SEMA4D: variants seen among roughly 807,000 people sequenced by gnomAD.
SEMA4D encodes the protein semaphorin 4D.
Under a neutral mutation model 74.8 loss-of-function variants are expected in SEMA4D, and 22 were observed. That is an observed-to-expected ratio of 0.29 (90% CI 0.21 to 0.42). The LOEUF is 0.42. Ranked by LOEUF, SEMA4D falls within the 10% of genes least tolerant of loss-of-function variation. The probability of loss-of-function intolerance (pLI) is 1.00; values close to 1 mark genes in which losing one functional copy is unlikely to be tolerated. For synonymous variants in SEMA4D, 445 were observed against 463.7 expected (o/e 0.96, Z 0.52); for missense variants, 937 against 1,118.4 (o/e 0.84, Z 2.31).
At chr9:89,433,757 C>T (rs1849779479) in intron 2 of SEMA4D, among the ~76,000 whole-genome samples, 1 of 152,202 alleles carries the variant, frequency 6.6e-6, no homozygotes, top group Non-Finnish European at 1.5e-5. Context: ...AAGCCCTCTG[C>T]TGTCCCATTA....
chr9:89,495,895 T>C (rs1267840372), intron 1 of SEMA4D, among the ~76,000 whole-genome samples: 1 of 152,052 alleles, frequency 6.6e-6, no homozygotes, highest in African/African-American at 2.4e-5. Flanking sequence ...CCATTGATCT[T>C]TGCAATGCAT....
In SEMA4D at chr9:89,378,793, G is replaced by C; in HGVS notation, c.2500C>G (p.Gln834Glu). 6.2e-7 allele frequency: 1 copy of C among 1,614,226 alleles called. No homozygotes were observed. Among genetic ancestry groups the C allele is most frequent in the Admixed American group, 1.7e-5 (1 of 60,034 alleles). The part of the protein sequence containing the change: ...SKVPTDREDS[Q>E]RIDDLSARDK... ...CTGGCAGAAAGGTCGTCGATCCTCT[G>C]TGAGTCCTCCCTATCCGTGGGGACT... The change falls in exon 16 of 16, where the codon CAG becomes GAG. Residue 834 changes from glutamine (Q) to glutamate (E), a missense_variant. Coordinates refer to ENST00000422704, the MANE Select transcript of SEMA4D (RefSeq NM_001371194.2).
intron 1 of SEMA4D, among the ~76,000 whole-genome samples, chr9:89,458,834 G>A (rs955252465): frequency 7.9e-5 from 12 of 151,396 alleles, no homozygotes; most frequent in Admixed American, 2.0e-4. Flanking sequence ...ATACACACAC[G>A]GATACATATG....
At chr9:89,473,054 C>T (rs1238281073) in intron 1 of SEMA4D, among the ~76,000 whole-genome samples, 1 of 152,046 alleles carries the variant, frequency 6.6e-6, no homozygotes, top group Non-Finnish European at 1.5e-5. Flanking sequence ...CAACACTGCA[C>T]TCCCGCCTAG....
At chr9:89,422,446 G>A (rs1369120533) in intron 2 of SEMA4D, among the ~76,000 whole-genome samples, 1 of 152,248 alleles carries the variant, frequency 6.6e-6, no homozygotes, top group African/African-American at 2.4e-5. Context: ...GGGACAGGCA[G>A]GCTGGGAGCC....
intron 1 of SEMA4D, among the ~76,000 whole-genome samples, chr9:89,461,923 G>A (rs796773787): frequency 3.3e-5 from 5 of 151,986 alleles, no homozygotes; most frequent in Non-Finnish European, 5.9e-5. Flanking sequence ...GGCTGGTCTC[G>A]AACTCCTGAC....
chr9:89,456,515 G>A (rs1043506083), intron 1 of SEMA4D, among the ~76,000 whole-genome samples: 6 of 152,168 alleles, frequency 3.9e-5, no homozygotes, highest in African/African-American at 9.7e-5. Flanking sequence ...CCAAAATCAG[G>A]AGAAGAAGGG....
chr9:89,402,714 G>A (rs534169252), intron 4 of SEMA4D, among the ~76,000 whole-genome samples, 157 bp downstream of exon 4: 16 of 151,854 alleles, frequency 1.1e-4, no homozygotes, highest in Middle Eastern at 3.4e-3. Flanking sequence ...GGTGGTCCCC[G>A]GGTGAACTGC....
intron 1 of SEMA4D, among the ~76,000 whole-genome samples, chr9:89,490,501 A>G (rs1825544493): frequency 6.6e-6 from 1 of 152,230 alleles, no homozygotes; most frequent in Non-Finnish European, 1.5e-5. Flanking sequence ...TTTCACTGTC[A>G]GTGTGGCATT....
intron 2 of SEMA4D, among the ~76,000 whole-genome samples, chr9:89,441,044 GAAC>G (rs940215712): frequency 1.6e-4 from 24 of 152,360 alleles, no homozygotes; most frequent in Admixed American, 4.6e-4. Context: ...GTCCTTCTAA[GAAC>G]AACAAGCCAC....
In SEMA4D at chr9:89,388,755, G is replaced by C; in HGVS notation, c.988C>G (p.Leu330Val). 6.2e-7 allele frequency: 1 copy of C among 1,610,006 alleles called. No individual in the cohort carries two copies. ...VGLSAVCAYN[L>V]STAEEVFSHG... The stretch of plus-strand genomic sequence containing the variant: ...GAGAAGACCTCCTCGGCTGTGGACA[G>C]GTTGTAGGCGCACACTGCCGACAGC... Residue 330 changes from leucine (L) to valine (V), a missense_variant, in exon 11 of 16, where the codon CTG (leucine) becomes GTG (valine). By Grantham distance (32) the Leu-to-Val change is conservative. Coordinates refer to ENST00000422704, the MANE Select transcript of SEMA4D (RefSeq NM_001371194.2).
chr9:89,486,625 G>A (rs899835630), intron 1 of SEMA4D, among the ~76,000 whole-genome samples: 1 of 152,178 alleles, frequency 6.6e-6, no homozygotes, highest in Non-Finnish European at 1.5e-5. Context: ...CCCCAGACAG[G>A]CTGGGCACAG....
downstream of SEMA4D, among the ~76,000 whole-genome samples, chr9:89,372,599 A>G (rs2132510481): frequency 6.6e-6 from 1 of 152,072 alleles, no homozygotes; most frequent in East Asian, 1.9e-4. Flanking sequence ...GTGCGGCCAC[A>G]GTGCACACTG....
chr9:89,425,699 C>T (rs1426905361), intron 2 of SEMA4D, among the ~76,000 whole-genome samples: 1 of 152,202 alleles, frequency 6.6e-6, no homozygotes, highest in Non-Finnish European at 1.5e-5. Context: ...CACCCCCTCC[C>T]CCAGTGTGCC....
intron 5 of SEMA4D, among the ~76,000 whole-genome samples, chr9:89,398,806 C>T (rs1052125798): frequency 1.3e-5 from 2 of 152,210 alleles, no homozygotes; most frequent in Non-Finnish European, 2.9e-5. Flanking sequence ...CTCCCTCCTG[C>T]AAGAGGTTGA....
chr9:89,479,138 C>T (rs79454025), intron 1 of SEMA4D, among the ~76,000 whole-genome samples: 8,925 of 152,264 alleles, frequency 0.059, 374 homozygotes, highest in Non-Finnish European at 0.09. Context: ...TGCCAAAGGG[C>T]CAACTCCTTC....
intron 6 of SEMA4D, among the ~76,000 whole-genome samples, chr9:89,394,202 G>A (rs1439858005): frequency 1.3e-5 from 2 of 152,178 alleles, no homozygotes; most frequent in Non-Finnish European, 2.9e-5. Context: ...AGCAGGGGCT[G>A]GCGTTTCCAT....
intron 2 of SEMA4D, among the ~76,000 whole-genome samples, chr9:89,433,280 G>A (rs1189570247): frequency 2.5e-5 from 3 of 121,888 alleles, no homozygotes; most frequent in African/African-American, 1.0e-4. Context: ...GACAGCAGCC[G>A]GCAGCAGACG....
chr9:89,378,616 A>G lies in SEMA4D; in HGVS notation c.*88T>C, dbSNP rs920876375. 24 of 998,402 alleles carry G rather than the reference A, an allele frequency of 2.4e-5. No homozygotes were observed. Among genetic ancestry groups the G allele is most frequent in the Non-Finnish European group, 3.7e-5 (24 of 652,698 alleles). 61.8% of individuals were successfully genotyped at this position (998,402 alleles called of 1,614,324 possible). A position where few individuals can be genotyped will look rare whatever the true frequency, so the allele number is the denominator to read the frequency against. On this transcript the variant is annotated 3_prime_UTR_variant, in exon 16 of 16. Transcript: ENST00000422704. ...GGGCTAACCTACGCAGCACTGCACG[A>G]GACTCGGATACTGAACAGGAGAAAC... is the stretch of plus-strand genomic sequence containing the variant.
Sources: allele counts gnomAD v4.1 joint callset (sites outside exome capture counted in the v4.1 genomes callset), GRCh38; gene constraint gnomAD v4.1.1; transcripts MANE v1.5; gene names NCBI Gene and HGNC (gene_info 2026-07-23, HGNC 2026-07-21).